LYPLAL1: variants seen among roughly 807,000 people sequenced by gnomAD.
LYPLAL1 encodes the protein lysophospholipase like 1.
A neutral mutation model predicts 19.7 loss-of-function variants in LYPLAL1; 23 were observed. The observed-to-expected ratio is 1.17, with a 90% CI of 0.84 to 1.65. LYPLAL1 has a LOEUF of 1.65. LYPLAL1 is among the 40% of genes most tolerant of loss of function. The pLI is 0.00. For synonymous variants in LYPLAL1, 119 were observed against 96.3 expected (o/e 1.24, Z -1.38); for missense variants, 355 against 279.4 (o/e 1.27, Z -1.93).
At chr1:219,382,880 AAAATATGGCCAACTCCAAAC>A in the LYPLAL1 span, among the ~76,000 whole-genome samples, 3 of 152,060 alleles carry the variant, frequency 2.0e-5, no homozygotes, top group African/African-American at 4.8e-5. Flanking sequence ...TTTTTTTCAA[AAAATATGGCCAACTCCAAAC>A]AAAGATGGCA....
the LYPLAL1 span, among the ~76,000 whole-genome samples, chr1:219,419,132 TG>T: frequency 0.026 from 3,992 of 152,294 alleles, 162 homozygotes; most frequent in African/African-American, 0.091. Flanking sequence ...CAGGTTTCTG[TG>T]TGGACATAAG....
the LYPLAL1 span, among the ~76,000 whole-genome samples, chr1:219,245,368 C>T: frequency 5.7e-4 from 87 of 152,252 alleles, no homozygotes; most frequent in African/African-American, 2.0e-3. Context: ...ATGAGTACCT[C>T]GGGATGTTTT....
chr1:219,410,937 A>T, the LYPLAL1 span, among the ~76,000 whole-genome samples: 1 of 151,932 alleles, frequency 6.6e-6, no homozygotes, highest in African/African-American at 2.4e-5. Context: ...CCTCCCACCC[A>T]CTCCATGGGC....
the LYPLAL1 span, among the ~76,000 whole-genome samples, chr1:219,233,056 C>T: frequency 6.6e-6 from 1 of 152,156 alleles, no homozygotes; most frequent in Non-Finnish European, 1.5e-5. Context: ...ACGTTAAAAG[C>T]AGGGTACACC....
the LYPLAL1 span, among the ~76,000 whole-genome samples, chr1:219,323,390 C>T: frequency 6.5e-3 from 997 of 152,234 alleles, 10 homozygotes; most frequent in African/African-American, 0.023. Flanking sequence ...ATGTGGCCTT[C>T]ATTAGGTGAG....
At chr1:219,226,553 C>A in the LYPLAL1 span, among the ~76,000 whole-genome samples, 1 of 151,410 alleles carries the variant, frequency 6.6e-6, no homozygotes, top group East Asian at 1.9e-4. Context: ...CTGAAAGTAA[C>A]TGGTAGCTGA....
chr1:219,292,950 C>T, the LYPLAL1 span, among the ~76,000 whole-genome samples: 1 of 152,202 alleles, frequency 6.6e-6, no homozygotes, highest in East Asian at 1.9e-4. Context: ...CATGTGTTGT[C>T]GATGTCTTGT....
the LYPLAL1 span, among the ~76,000 whole-genome samples, chr1:219,333,494 A>G: frequency 2.0e-5 from 3 of 152,074 alleles, no homozygotes; most frequent in Middle Eastern, 3.4e-3. Context: ...TGTGTCACCA[A>G]TGCTCCCGAT....
At chr1:219,375,759 G>C in the LYPLAL1 span, among the ~76,000 whole-genome samples, 1 of 144,632 alleles carries the variant, frequency 6.9e-6, no homozygotes, top group Non-Finnish European at 1.5e-5. Flanking sequence ...TTTTTGGCGT[G>C]GGGGCAGAGT....
the LYPLAL1 span, among the ~76,000 whole-genome samples, chr1:219,288,216 A>C: frequency 2.0e-3 from 303 of 152,332 alleles, 4 homozygotes; most frequent in African/African-American, 7.1e-3. Context: ...GAAGCAACCA[A>C]GATGTTCTTC....
chr1:219,225,200 C>G, the LYPLAL1 span: 4 of 152,272 alleles, frequency 2.6e-5, no homozygotes, highest in African/African-American at 9.6e-5. Flanking sequence ...GGCCTCCTCT[C>G]CTGGTTGCTC....
chr1:219,371,170 C>T, the LYPLAL1 span, among the ~76,000 whole-genome samples: 1 of 152,154 alleles, frequency 6.6e-6, no homozygotes, highest in Non-Finnish European at 1.5e-5. Context: ...CTCTACCTTC[C>T]TTCTAGTACT....
At chr1:219,175,137 C>T in intron 1 of LYPLAL1, 1 of 975,368 alleles carries the variant, frequency 1.0e-6, no homozygotes, top group Non-Finnish European at 1.2e-6. Flanking sequence ...CAGACAGGTT[C>T]AGCAGCTTGG....
the LYPLAL1 span, among the ~76,000 whole-genome samples, chr1:219,234,507 G>C: frequency 3.3e-5 from 5 of 151,924 alleles, no homozygotes; most frequent in African/African-American, 4.8e-5. Context: ...ATGCACAAAA[G>C]ATAATGTAAT....
chr1:219,350,883 A>G, the LYPLAL1 span, among the ~76,000 whole-genome samples: 1 of 152,182 alleles, frequency 6.6e-6, no homozygotes, highest in Non-Finnish European at 1.5e-5. Context: ...AGCTTGATCC[A>G]TCTTCTGGCA....
At chr1:219,324,081 A>G in the LYPLAL1 span, among the ~76,000 whole-genome samples, 97 of 152,226 alleles carry the variant, frequency 6.4e-4, no homozygotes, top group South Asian at 0.013. Flanking sequence ...TTTCTTACCC[A>G]CTGTAAGGCC....
chr1:219,186,388 T>A (rs1358188693), intron 2 of LYPLAL1, among the ~76,000 whole-genome samples: 2 of 151,896 alleles, frequency 1.3e-5, no homozygotes, highest in Non-Finnish European at 2.9e-5. Flanking sequence ...TTTTCTAAGT[T>A]GTTCTATTAG....
At chr1:219,360,603 A>G in the LYPLAL1 span, among the ~76,000 whole-genome samples, 1 of 152,270 alleles carries the variant, frequency 6.6e-6, no homozygotes, top group South Asian at 2.1e-4. Context: ...CCAGAATGAA[A>G]AGGATTTGTG....
the LYPLAL1 span, among the ~76,000 whole-genome samples, chr1:219,415,452 T>A: frequency 1.2e-3 from 185 of 152,372 alleles, no homozygotes; most frequent in African/African-American, 4.3e-3. Flanking sequence ...GAAAATATCA[T>A]CAATCACCAT....
Sources: gnomAD v4.1 joint callset for allele counts (sites outside exome capture counted in the v4.1 genomes callset) on GRCh38, gnomAD v4.1.1 for gene constraint, MANE v1.5 for transcripts, NCBI Gene and HGNC (gene_info 2026-07-23, HGNC 2026-07-21) for gene names.